The following FSTL5 variants were observed in gnomAD, a reference collection of about 807,000 sequenced individuals.
FSTL5 encodes the protein follistatin like 5, also known as follistatin-related protein 5.
FSTL5 carries 62 observed loss-of-function variants against 89.1 expected under a neutral mutation model. That is an observed-to-expected ratio of 0.70 (90% confidence interval 0.57 to 0.86). The LOEUF (loss-of-function observed/expected upper bound fraction) is 0.86, where lower values mean the gene tolerates loss of function less well. FSTL5 is among the 40% of genes least tolerant of loss of function. The pLI is 0.00. For missense variants in FSTL5, 1,057 were observed against 1,001.6 expected, an observed-to-expected ratio of 1.06 and a Z score of -0.75; for synonymous variants, 383 against 346.2, an observed-to-expected ratio of 1.11 and a Z score of -1.18.
chr4:161,511,370 A>T (rs78743226), intron 10 of FSTL5, among the ~76,000 whole-genome samples: 1 of 152,170 alleles, frequency 6.6e-6, no homozygotes, highest in East Asian at 1.9e-4. Context: ...ATATTTCTTT[A>T]AAAAATTAAT....
chr4:161,500,584 GA>G (rs1005122590), intron 11 of FSTL5, among the ~76,000 whole-genome samples: 3 of 151,884 alleles, frequency 2.0e-5, no homozygotes, highest in African/African-American at 7.2e-5. Flanking sequence ...TTTTTAGGAA[GA>G]AAAAGACCAA....
intron 10 of FSTL5, among the ~76,000 whole-genome samples, chr4:161,516,883 T>A (rs1730861684): frequency 6.6e-6 from 1 of 151,772 alleles, no homozygotes; most frequent in Admixed American, 6.6e-5. Context: ...GGGATATCCT[T>A]ACCAGAAATC....
rs1014868758 is a variant in FSTL5, at chr4:162,008,721, G to A, written c.160+24904C>T. On this transcript the variant is annotated intron_variant, in intron 3 of 15. Coordinates refer to ENST00000306100, the MANE Select transcript of FSTL5 (RefSeq NM_020116.5). ...CAATGAACTAGATAAAAAACTGCTG[G>A]GCTCTGATCTCCTTTAGCATAAATG... is the stretch of plus-strand genomic sequence containing the variant. Among the ~76,000 whole-genome samples, 6 of 151,836 alleles carry A rather than the reference G, an allele frequency of 4.0e-5. No homozygotes were observed. The East Asian group carries it at 1.2e-3, about 29-fold the overall frequency.
In FSTL5 at chr4:162,085,382, TAACA is replaced by T. The variant is rs201403503; in HGVS notation, c.126+25885_126+25888del. Among the ~76,000 whole-genome samples, 19 of 152,182 alleles carry T rather than the reference TAACA, an allele frequency of 1.2e-4. No individual in the cohort carries two copies. In the East Asian group the frequency reaches 2.1e-3, roughly 17 times the overall value. ...TTCTTTAAATCACTAAAAAAGTACT[TAACA>T]ATCAGGAGATTTTTTTCAATTTCAG... On this transcript the variant is annotated intron_variant, in intron 2 of 15. Transcript: ENST00000306100.
chr4:161,920,764 T>C (rs1733973865), intron 3 of FSTL5, 112 bp from the exon 4 acceptor site: 1 of 995,414 alleles, frequency 1.0e-6, no homozygotes, highest in East Asian at 2.6e-5. Context: ...TAGTATAGTG[T>C]ATTCAGGGCT....
chr4:161,863,649 C>T (rs948544908), intron 4 of FSTL5, among the ~76,000 whole-genome samples: 1 of 152,204 alleles, frequency 6.6e-6, no homozygotes, highest in Non-Finnish European at 1.5e-5. Context: ...TCCTCACCCT[C>T]CCTCACTTGT....
intron 9 of FSTL5, among the ~76,000 whole-genome samples, chr4:161,540,134 C>T (rs1025815155): frequency 6.6e-5 from 10 of 152,112 alleles, no homozygotes; most frequent in Admixed American, 2.0e-4. Flanking sequence ...TATTTATCAT[C>T]CTGACACATC....
intron 3 of FSTL5, among the ~76,000 whole-genome samples, chr4:161,985,110 C>T (rs1735927676): frequency 6.6e-6 from 1 of 152,012 alleles, no homozygotes; most frequent in Admixed American, 6.6e-5. Flanking sequence ...GCGTGTGCCA[C>T]CATGCCCAGC....
chr4:161,974,004 C>A (rs1291620495), intron 3 of FSTL5, among the ~76,000 whole-genome samples: 3 of 152,098 alleles, frequency 2.0e-5, no homozygotes, highest in African/African-American at 7.2e-5. Flanking sequence ...AACTCCCATT[C>A]ACAATTGCTT....
At chr4:161,878,604 G>A (rs575168826) in intron 4 of FSTL5, among the ~76,000 whole-genome samples, 2 of 151,734 alleles carry the variant, frequency 1.3e-5, no homozygotes, top group East Asian at 1.9e-4. Flanking sequence ...AAAATACAAC[G>A]TTAGAATTGT....
rs114106196 is a variant in FSTL5, at chr4:161,852,067, G to C, written c.409+68337C>G. Reference sequence around the variant, plus strand: ...ACTTTATTTATGCCATCTTCCAGAAGACTATTGTTTTAGGATCACCACAGT... The same window carrying C: ...ACTTTATTTATGCCATCTTCCAGAACACTATTGTTTTAGGATCACCACAGT... On this transcript the variant is annotated intron_variant, in intron 4 of 15. Transcript: ENST00000306100. 8.0e-3 allele frequency among the ~76,000 whole-genome samples: 1,215 copies of C among 152,120 alleles called. 4 individuals are homozygous for C. Among genetic ancestry groups the C allele is most frequent in the Non-Finnish European group, 0.013 (911 of 67,966 alleles).
intron 6 of FSTL5, among the ~76,000 whole-genome samples, chr4:161,753,282 C>T (rs1354859875): frequency 1.3e-5 from 2 of 152,114 alleles, no homozygotes; most frequent in Non-Finnish European, 2.9e-5. Flanking sequence ...ATGTCTTTCC[C>T]TAAATTTGCA....
chr4:161,864,853 A>G (rs905192815), intron 4 of FSTL5, among the ~76,000 whole-genome samples: 6 of 140,646 alleles, frequency 4.3e-5, no homozygotes, highest in African/African-American at 1.6e-4. Context: ...GGCTGACGAC[A>G]GAGCAAGACT....
intron 6 of FSTL5, among the ~76,000 whole-genome samples, chr4:161,699,648 A>G (rs904533473): frequency 2.0e-5 from 3 of 152,212 alleles, no homozygotes; most frequent in African/African-American, 7.2e-5. Context: ...AACTTTTGCC[A>G]TTTTCTAATT....
chr4:161,556,248 A>C (rs78406138), intron 8 of FSTL5, among the ~76,000 whole-genome samples: 9 of 151,680 alleles, frequency 5.9e-5, no homozygotes, highest in African/African-American at 1.7e-4. Context: ...AAAGCATTGC[A>C]TTAGGGCTTA....
chr4:161,707,902 C>T (rs1738635333), intron 6 of FSTL5, among the ~76,000 whole-genome samples: 1 of 151,544 alleles, frequency 6.6e-6, no homozygotes, highest in South Asian at 2.1e-4. Context: ...AAAAAAGGAG[C>T]AAAGCATTAG....
chr4:161,890,942 T>A, intron 4 of FSTL5, among the ~76,000 whole-genome samples: 1 of 152,108 alleles, frequency 6.6e-6, no homozygotes, highest in East Asian at 1.9e-4. Context: ...AGGCAACTAG[T>A]TTTAAATAAA....
intron 6 of FSTL5, among the ~76,000 whole-genome samples, chr4:161,707,858 T>C (rs1192955083): frequency 6.6e-6 from 1 of 151,948 alleles, no homozygotes; most frequent in African/African-American, 2.4e-5. Flanking sequence ...ATTTGGGATT[T>C]AAATCTGATA....
At chr4:161,646,824 G>A (rs1370079801) in intron 7 of FSTL5, among the ~76,000 whole-genome samples, 1 of 151,990 alleles carries the variant, frequency 6.6e-6, no homozygotes, top group Non-Finnish European at 1.5e-5. Context: ...CTTTTAATCA[G>A]GTTACTATTG....
Sources: gnomAD v4.1 joint callset for allele counts (sites outside exome capture counted in the v4.1 genomes callset) on GRCh38, gnomAD v4.1.1 for gene constraint, MANE v1.5 for transcripts, NCBI Gene and HGNC (gene_info 2026-07-23, HGNC 2026-07-21) for gene names.